The following FOXP2 variants were observed in gnomAD, a reference collection of about 807,000 sequenced individuals.
The protein encoded by FOXP2 is forkhead box P2.
Under a neutral mutation model 115.8 loss-of-function variants are expected in FOXP2, and 12 were observed. That is an observed-to-expected ratio of 0.10 (90% CI 0.07 to 0.17). The LOEUF is 0.17. FOXP2 is among the 10% of genes least tolerant of loss of function. FOXP2 has a pLI of 1.00. For missense variants in FOXP2, 629 were observed against 843.5 expected, an observed-to-expected ratio of 0.75 and a Z score of 3.15; for synonymous variants, 328 against 297.7, an observed-to-expected ratio of 1.10 and a Z score of -1.05.
At chr7:114,620,620 T>A (rs1804197308) in intron 3 of FOXP2, among the ~76,000 whole-genome samples, 1 of 152,044 alleles carries the variant, frequency 6.6e-6, no homozygotes, top group Non-Finnish European at 1.5e-5. Flanking sequence ...TTATGGAAAG[T>A]CAGTTATTAA....
At chr7:114,641,483 C>A (rs1805524885) in intron 6 of FOXP2, among the ~76,000 whole-genome samples, 1 of 151,996 alleles carries the variant, frequency 6.6e-6, no homozygotes. Flanking sequence ...CTTAACTGAT[C>A]CAGTTAAGTA....
At chr7:114,451,136 A>G (rs185310399) in intron 2 of FOXP2, among the ~76,000 whole-genome samples, 1 of 152,194 alleles carries the variant, frequency 6.6e-6, no homozygotes, top group East Asian at 1.9e-4. Flanking sequence ...TTAATAATCA[A>G]AAATTACCTA....
chr7:114,304,869 C>T (rs958675017), intron 2 of FOXP2, among the ~76,000 whole-genome samples: 2 of 151,880 alleles, frequency 1.3e-5, no homozygotes, highest in African/African-American at 4.8e-5. Context: ...ACGTTAAAGG[C>T]ATTTAAGAAT....
chr7:114,118,572 A>G (rs1463518440), intron 1 of FOXP2, among the ~76,000 whole-genome samples: 2 of 152,014 alleles, frequency 1.3e-5, no homozygotes, highest in Non-Finnish European at 2.9e-5. Context: ...ATTCTTATAC[A>G]TGTATAAGTT....
In FOXP2 at chr7:114,535,339, T is replaced by TG. The variant is rs200652395; in HGVS notation, c.258+641dup. ...CAAAATATGTGGGACATTTTCTTGG[T>TG]GGGGGGGGAAACATTTTTAAGGTAT... On this transcript the variant is annotated intron_variant, in intron 3 of 16. Coordinates refer to ENST00000350908, the MANE Select transcript of FOXP2 (RefSeq NM_014491.4). Among the ~76,000 whole-genome samples, 222 of 150,808 alleles carry TG rather than the reference T, an allele frequency of 1.5e-3. 1 individual carries two copies. The East Asian group carries it at 0.015, about 10-fold the overall frequency.
chr7:114,300,910 G>A (rs1344660125), intron 2 of FOXP2, among the ~76,000 whole-genome samples: 1 of 151,938 alleles, frequency 6.6e-6, no homozygotes, highest in Non-Finnish European at 1.5e-5. Flanking sequence ...GAGCTGACTA[G>A]GCCAAGTGAT....
chr7:114,689,935 T>A lies in FOXP2; in HGVS notation c.*9T>A. The A allele has an allele frequency of 6.2e-7, 1 of 1,612,806 alleles. No individual in the cohort carries two copies. Among genetic ancestry groups the A allele is most frequent in the African/African-American group, 1.3e-5 (1 of 74,960 alleles). On this transcript the variant is annotated 3_prime_UTR_variant, in exon 17 of 17. Coordinates refer to ENST00000350908, the MANE Select transcript of FOXP2 (RefSeq NM_014491.4). ...CTGAAGATCTGGAATGAGAACTGAC[T>A]TGTGAAACCTCAGCGTGAAGGGACA... is the stretch of plus-strand genomic sequence containing the variant.
intron 8 of FOXP2, chr7:114,645,261 T>C (rs990185250): frequency 2.0e-5 from 3 of 148,658 alleles, no homozygotes; most frequent in Non-Finnish European, 4.5e-5. Flanking sequence ...AGTATATACA[T>C]GTAACTACAA....
intron 1 of FOXP2, among the ~76,000 whole-genome samples, chr7:114,100,696 C>T (rs890099229): frequency 1.3e-5 from 2 of 152,042 alleles, no homozygotes; most frequent in South Asian, 4.1e-4. Context: ...AAGAATAGAG[C>T]CTTTTTCATT....
intron 1 of FOXP2, among the ~76,000 whole-genome samples, chr7:114,096,492 C>T (rs1206546464): frequency 9.2e-5 from 14 of 152,042 alleles, no homozygotes; most frequent in Non-Finnish European, 7.4e-5. Flanking sequence ...CGTACGTGTC[C>T]GATGTTCAAA....
intron 2 of FOXP2, among the ~76,000 whole-genome samples, chr7:114,446,594 A>G (rs1794844067): frequency 6.6e-6 from 1 of 152,094 alleles, no homozygotes; most frequent in Non-Finnish European, 1.5e-5. Flanking sequence ...TACCAATATT[A>G]TAGCTCTAAG....
intron 2 of FOXP2, among the ~76,000 whole-genome samples, chr7:114,480,205 A>G (rs1016880077): frequency 1.3e-5 from 2 of 151,434 alleles, no homozygotes; most frequent in Admixed American, 1.3e-4. Flanking sequence ...CCTCAAACTA[A>G]TAAAGGGCCA....
At chr7:114,568,874 A>G (rs1166207823) in intron 3 of FOXP2, among the ~76,000 whole-genome samples, 1 of 151,912 alleles carries the variant, frequency 6.6e-6, no homozygotes, top group Admixed American at 6.6e-5. Flanking sequence ...TTATTCTTGT[A>G]TCACCTTCTG....
chr7:114,243,591 C>T (rs1795205316), intron 1 of FOXP2, among the ~76,000 whole-genome samples: 1 of 152,096 alleles, frequency 6.6e-6, no homozygotes. Flanking sequence ...TTGTGTCTTA[C>T]TACTTTTTGA....
At chr7:114,097,653 G>C (rs1799680613) in intron 1 of FOXP2, among the ~76,000 whole-genome samples, 1 of 152,106 alleles carries the variant, frequency 6.6e-6, no homozygotes, top group Non-Finnish European at 1.5e-5. Flanking sequence ...CTTCACCATA[G>C]TTCTCCACCT....
chr7:114,146,357 C>T (rs968617365), intron 1 of FOXP2, among the ~76,000 whole-genome samples: 4 of 152,166 alleles, frequency 2.6e-5, no homozygotes, highest in South Asian at 4.1e-4. Context: ...TGACCCCGTT[C>T]GCTAGTAAGG....
At chr7:114,346,344 C>T (rs1275261585) in intron 2 of FOXP2, among the ~76,000 whole-genome samples, 1 of 151,594 alleles carries the variant, frequency 6.6e-6, no homozygotes. Context: ...TAGAATCAAC[C>T]TAAGTATCCA....
chr7:114,168,652 C>T (rs1292196316), intron 1 of FOXP2, among the ~76,000 whole-genome samples: 1 of 152,274 alleles, frequency 6.6e-6, no homozygotes, highest in African/African-American at 2.4e-5. Context: ...ATCCCATTTT[C>T]TGAGGAGAAA....
intron 3 of FOXP2, among the ~76,000 whole-genome samples, chr7:114,552,689 T>A (rs1800269137): frequency 6.6e-6 from 1 of 152,208 alleles, no homozygotes; most frequent in South Asian, 2.1e-4. Flanking sequence ...CCATATTCAT[T>A]ACATACGTTA....
Sources: allele counts gnomAD v4.1 joint callset (sites outside exome capture counted in the v4.1 genomes callset), GRCh38; gene constraint gnomAD v4.1.1; transcripts MANE v1.5; gene names NCBI Gene and HGNC (gene_info 2026-07-23, HGNC 2026-07-21).